PRELID2: variants seen among roughly 807,000 people sequenced by gnomAD.
PRELID2 encodes the protein PRELI domain containing 2.
Under a neutral mutation model 28.4 loss-of-function variants are expected in PRELID2, and 25 were observed. That is an observed-to-expected ratio of 0.88 (90% CI 0.64 to 1.23). PRELID2 has a LOEUF of 1.23. Among genes scored for constraint, PRELID2 ranks in the 50% most tolerant of loss-of-function variants. The probability of loss-of-function intolerance (pLI) is 0.00; values close to 1 mark genes in which losing one functional copy is unlikely to be tolerated. For synonymous variants in PRELID2, 76 were observed against 71.6 expected, an observed-to-expected ratio of 1.06 and a Z score of -0.31; for missense variants, 201 against 214.4, an observed-to-expected ratio of 0.94 and a Z score of 0.39.
chr5:145,623,308 T>C (rs192259153), intron 1 of PRELID2, among the ~76,000 whole-genome samples: 88 of 151,456 alleles, frequency 5.8e-4, no homozygotes, highest in Admixed American at 2.9e-3. Context: ...ATTAGCCAGG[T>C]GTGGTGGCGC....
At chr5:145,613,770 G>T (rs1475785332) in intron 1 of PRELID2, among the ~76,000 whole-genome samples, 2 of 151,950 alleles carry the variant, frequency 1.3e-5, no homozygotes, top group Non-Finnish European at 2.9e-5. Flanking sequence ...CCATTCTGTG[G>T]GTTGTCCATT....
At chr5:145,229,022 G>A in the PRELID2 span, 1 of 1,602,428 alleles carries the variant, frequency 6.2e-7, no homozygotes, top group Admixed American at 1.7e-5. Context: ...AGTTTGTGGA[G>A]GAGTTCATCT....
the PRELID2 span, among the ~76,000 whole-genome samples, chr5:145,398,409 A>T: frequency 6.6e-6 from 1 of 152,062 alleles, no homozygotes; most frequent in Non-Finnish European, 1.5e-5. Context: ...CCAAATCAGT[A>T]ACATACCTTT....
chr5:145,682,467 T>G (rs908315056), intron 1 of PRELID2, among the ~76,000 whole-genome samples: 1 of 152,216 alleles, frequency 6.6e-6, no homozygotes, highest in Non-Finnish European at 1.5e-5. Context: ...CTGGCTTCAT[T>G]TTTTGTAGGC....
chr5:145,611,255 C>T (rs1753612994), intron 1 of PRELID2, among the ~76,000 whole-genome samples: 1 of 151,990 alleles, frequency 6.6e-6, no homozygotes, highest in Non-Finnish European at 1.5e-5. Flanking sequence ...CCTCCTCCTC[C>T]CAGGTTCAAG....
chr5:145,374,498 C>G, the PRELID2 span, among the ~76,000 whole-genome samples: 1 of 151,956 alleles, frequency 6.6e-6, no homozygotes, highest in Non-Finnish European at 1.5e-5. Flanking sequence ...GTGGTTTTCT[C>G]TGTATTTCTT....
intron 1 of PRELID2, among the ~76,000 whole-genome samples, chr5:145,717,271 A>C (rs886252559): frequency 2.0e-5 from 3 of 152,104 alleles, no homozygotes; most frequent in African/African-American, 7.2e-5. Flanking sequence ...AGAAGGGGAA[A>C]TGGAGAGTGA....
chr5:145,419,009 T>A, the PRELID2 span, among the ~76,000 whole-genome samples: 1 of 151,036 alleles, frequency 6.6e-6, no homozygotes, highest in African/African-American at 2.4e-5. Context: ...GATAGTTTAC[T>A]GAGAATGATG....
chr5:145,655,958 A>T (rs776764419), intron 1 of PRELID2, among the ~76,000 whole-genome samples: 8 of 152,244 alleles, frequency 5.3e-5, no homozygotes, highest in Non-Finnish European at 1.0e-4. Context: ...ATCAGAGTGA[A>T]CAGGCAACCT....
chr5:145,435,705 C>A, the PRELID2 span, among the ~76,000 whole-genome samples: 1 of 152,020 alleles, frequency 6.6e-6, no homozygotes, highest in African/African-American at 2.4e-5. Context: ...TATAAAGGGA[C>A]TTTATAATAT....
At chr5:145,311,544 G>C in the PRELID2 span, among the ~76,000 whole-genome samples, 14 of 152,128 alleles carry the variant, frequency 9.2e-5, no homozygotes, top group African/African-American at 3.4e-4. Flanking sequence ...GCATGGCCTT[G>C]ATTTTTGCAA....
intron 1 of PRELID2, among the ~76,000 whole-genome samples, chr5:145,624,638 C>G (rs1391747831): frequency 1.3e-5 from 2 of 152,088 alleles, no homozygotes; most frequent in Admixed American, 1.3e-4. Context: ...AACTGTAAAG[C>G]TTTTATAAGA....
chr5:145,525,725 T>C (rs1428955467), intron 1 of PRELID2, among the ~76,000 whole-genome samples: 1 of 152,222 alleles, frequency 6.6e-6, no homozygotes, highest in Middle Eastern at 3.2e-3. Flanking sequence ...AGAACAAGCA[T>C]GTGAATGTTT....
chr5:145,713,325 A>C (rs1206163105), intron 1 of PRELID2, among the ~76,000 whole-genome samples: 1 of 134,524 alleles, frequency 7.4e-6, no homozygotes, highest in Non-Finnish European at 1.6e-5. Context: ...TGCATACAAG[A>C]GAACTCTAAG....
chr5:145,509,657 T>G (rs766547305), intron 1 of PRELID2, among the ~76,000 whole-genome samples: 7 of 152,212 alleles, frequency 4.6e-5, no homozygotes, highest in Non-Finnish European at 8.8e-5. Context: ...CTACTTTGGT[T>G]TTCCCAAGCT....
chr5:145,323,152 A>G, the PRELID2 span, among the ~76,000 whole-genome samples: 1 of 152,020 alleles, frequency 6.6e-6, no homozygotes, highest in Non-Finnish European at 1.5e-5. Flanking sequence ...TGGGAAAACT[A>G]ATGGGGAAGA....
intron 1 of PRELID2, among the ~76,000 whole-genome samples, chr5:145,505,244 C>G (rs367770245): frequency 6.6e-6 from 1 of 152,172 alleles, no homozygotes; most frequent in Non-Finnish European, 1.5e-5. Flanking sequence ...ACATTTACTA[C>G]CATCCAAGTG....
chr5:145,480,412 T>C (rs186773276), intron 1 of PRELID2, among the ~76,000 whole-genome samples: 2 of 152,252 alleles, frequency 1.3e-5, no homozygotes, highest in Admixed American at 6.5e-5. Flanking sequence ...ATACAGGGTG[T>C]TTCCTAGATA....
chr5:145,792,229 T>C (rs778332930), intron 5 of PRELID2, among the ~76,000 whole-genome samples: 1 of 152,100 alleles, frequency 6.6e-6, no homozygotes, highest in Non-Finnish European at 1.5e-5. Flanking sequence ...TGGGTTCAAA[T>C]CCCCGGTTCA....
Sources: gnomAD v4.1 joint callset for allele counts (sites outside exome capture counted in the v4.1 genomes callset) on GRCh38, gnomAD v4.1.1 for gene constraint, MANE v1.5 for transcripts, NCBI Gene and HGNC (gene_info 2026-07-23, HGNC 2026-07-21) for gene names.